TBCK: variants seen among roughly 807,000 people sequenced by gnomAD.
TBCK encodes the protein TBC domain-containing protein kinase-like protein.
A neutral mutation model predicts 113.4 loss-of-function variants in TBCK; 99 were observed. The ratio of observed to expected loss-of-function variants is 0.87; its 90% CI spans 0.74 to 1.03. TBCK has a LOEUF of 1.03. Ranked by LOEUF, TBCK falls within the 50% of genes least tolerant of loss-of-function variation. The pLI is 0.00. For missense variants in TBCK, 1,045 were observed against 1,061.3 expected (o/e 0.98, Z 0.21); for synonymous variants, 369 against 370.8 (o/e 1.00, Z 0.05).
Position 106,233,007 on chromosome 4 carries a change from CT to C in TBCK, c.1569del (p.Gly524ValfsTer9). On this transcript the variant is annotated frameshift_variant, in exon 17 of 26. Transcript: ENST00000394708. LOFTEE classifies it high-confidence loss of function. Reference protein sequence around the residue: ...HQYDELLSSPEGHAKFRRVLK... With the variant: ...HQYDELLSSPXGHAKFRRVLK... ...AATACACGCCTAAATTTTGCATGAC[CT>C]TCTGGTGATGATAACAGTTCATCGT... The C allele has an allele frequency of 6.2e-7, 1 of 1,612,268 alleles. No individual in the cohort carries two copies. Among genetic ancestry groups the C allele is most frequent in the South Asian group, 1.1e-5 (1 of 91,030 alleles).
intron 25 of TBCK, among the ~76,000 whole-genome samples, chr4:106,087,376 G>A (rs909235975): frequency 3.3e-5 from 5 of 152,038 alleles, no homozygotes; most frequent in Admixed American, 6.6e-5. Context: ...AGCTAACAAG[G>A]GATGTGAATG....
chr4:106,186,631 A>C (rs1221695103), intron 22 of TBCK, among the ~76,000 whole-genome samples: 2 of 151,968 alleles, frequency 1.3e-5, no homozygotes, highest in Non-Finnish European at 2.9e-5. Context: ...TGGATAGTAG[A>C]CCTTTGTCAA....
intron 20 of TBCK, among the ~76,000 whole-genome samples, chr4:106,196,941 A>T (rs1202932859): frequency 6.6e-6 from 1 of 152,112 alleles, no homozygotes; most frequent in Non-Finnish European, 1.5e-5. Flanking sequence ...AGCTTCATCA[A>T]GATCTATGGA....
chr4:106,107,720 A>G lies in TBCK; in HGVS notation c.2411+8483T>C, dbSNP rs188206832. On this transcript the variant is annotated intron_variant, in intron 24 of 25. Coordinates refer to ENST00000394708, the MANE Select transcript of TBCK (RefSeq NM_001163435.3). ...ATTAACAACCTAACTTCACAATGGAAAGAATTAGAGAAGTGAGAACAAAAC... is the reference window on the plus strand; with the variant it reads ...ATTAACAACCTAACTTCACAATGGAGAGAATTAGAGAAGTGAGAACAAAAC... Among the ~76,000 whole-genome samples, 3 of 152,340 alleles carry G rather than the reference A, an allele frequency of 2.0e-5. No homozygotes were observed. In the East Asian group the frequency reaches 5.8e-4, roughly 29 times the overall value.
chr4:106,189,357 A>AG, intron 22 of TBCK, among the ~76,000 whole-genome samples: 2 of 144,232 alleles, frequency 1.4e-5, no homozygotes, highest in Non-Finnish European at 1.5e-5. Context: ...AAAAAAAAAA[A>AG]AAGAAAAATA....
At chr4:106,314,859 A>G (rs1463803398) in intron 1 of TBCK, among the ~76,000 whole-genome samples, 2 of 152,032 alleles carry the variant, frequency 1.3e-5, no homozygotes, top group East Asian at 3.9e-4. Context: ...TCCTGACCTC[A>G]GGTGATCCAC....
chr4:106,211,937 A>C (rs1228309518), intron 20 of TBCK, among the ~76,000 whole-genome samples: 1 of 152,062 alleles, frequency 6.6e-6, no homozygotes, highest in African/African-American at 2.4e-5. Flanking sequence ...TTTATCAATA[A>C]TTTTTAATAA....
At chr4:106,218,241 C>T (rs1265595013) in intron 19 of TBCK, among the ~76,000 whole-genome samples, 9 of 148,152 alleles carry the variant, frequency 6.1e-5, no homozygotes, top group South Asian at 2.2e-4. Flanking sequence ...AAGACTTAAA[C>T]GTTAGACCTA....
intron 23 of TBCK, chr4:106,163,556 T>C (rs1352062365): frequency 2.0e-5 from 3 of 152,126 alleles, no homozygotes; most frequent in Non-Finnish European, 4.4e-5. Flanking sequence ...GTTTCACAGT[T>C]CAGCAATGCT....
At chr4:106,233,512 T>C (rs901697052) in intron 16 of TBCK, 76 bp downstream of exon 16, 1 of 1,175,232 alleles carries the variant, frequency 8.5e-7, no homozygotes, top group African/African-American at 1.5e-5. Context: ...AGAAAGAGGC[T>C]TTCTTCATGC....
intron 22 of TBCK, among the ~76,000 whole-genome samples, chr4:106,181,296 A>G (rs552352684): frequency 5.3e-5 from 8 of 152,178 alleles, no homozygotes; most frequent in African/African-American, 1.9e-4. Flanking sequence ...AGATTGCAAA[A>G]ATTTTCTCCC....
At chr4:106,110,294 C>G (rs537218828) in intron 24 of TBCK, among the ~76,000 whole-genome samples, 23 of 152,308 alleles carry the variant, frequency 1.5e-4, no homozygotes, top group Admixed American at 1.2e-3. Flanking sequence ...GTCTATGGGT[C>G]AGACCCAGCA....
intron 23 of TBCK, among the ~76,000 whole-genome samples, chr4:106,135,897 A>G (rs1266180999): frequency 1.4e-5 from 2 of 141,584 alleles, no homozygotes; most frequent in East Asian, 4.1e-4. Context: ...TCTCTGAAAG[A>G]CAGAGAAGTC....
intron 23 of TBCK, among the ~76,000 whole-genome samples, chr4:106,166,969 C>T (rs1178033833): frequency 2.0e-5 from 3 of 150,526 alleles, no homozygotes; most frequent in Non-Finnish European, 4.5e-5. Flanking sequence ...TTTCATTAAA[C>T]TCGGGAACAA....
chr4:106,148,307 TA>T (rs1249565161), intron 23 of TBCK, among the ~76,000 whole-genome samples: 1 of 152,318 alleles, frequency 6.6e-6, no homozygotes, highest in East Asian at 1.9e-4. Flanking sequence ...TGAAAGTCCC[TA>T]ATAAAAACTT....
chr4:106,073,618 C>T (rs1003990396), intron 25 of TBCK, among the ~76,000 whole-genome samples: 2 of 152,154 alleles, frequency 1.3e-5, no homozygotes, highest in African/African-American at 4.8e-5. Flanking sequence ...GCTCAAATAC[C>T]ATGCTGGGAG....
In TBCK at chr4:106,118,167, G is replaced by A. The variant is rs575168293; in HGVS notation, c.2236-1789C>T. On this transcript the variant is annotated intron_variant, in intron 23 of 25. Transcript: ENST00000394708. ...TTTTCTCTTTTTTCTCAGTTACATT[G>A]TGGAATTCTACACTTAGAATATCCA... 3.3e-3 allele frequency among the ~76,000 whole-genome samples: 497 copies of A among 151,996 alleles called. 3 individuals are homozygous for A. Among genetic ancestry groups the A allele is most frequent in the African/African-American group, 0.012 (478 of 41,478 alleles).
chr4:106,100,545 C>T (rs1316842512), intron 24 of TBCK, among the ~76,000 whole-genome samples: 1 of 152,018 alleles, frequency 6.6e-6, no homozygotes, highest in Non-Finnish European at 1.5e-5. Context: ...AGGGACCTCA[C>T]TCTTTATGAC....
chr4:106,266,878 T>C (rs527366328), intron 3 of TBCK, among the ~76,000 whole-genome samples: 23 of 151,932 alleles, frequency 1.5e-4, no homozygotes, highest in Non-Finnish European at 3.1e-4. Flanking sequence ...TCATGAAATT[T>C]TTTAAGTAGC....
Sources: gnomAD v4.1 joint callset for allele counts (sites outside exome capture counted in the v4.1 genomes callset) on GRCh38, gnomAD v4.1.1 for gene constraint, MANE v1.5 for transcripts, NCBI Gene and HGNC (gene_info 2026-07-23, HGNC 2026-07-21) for gene names.